IFT172: variants seen among roughly 807,000 people sequenced by gnomAD.
IFT172 encodes intraflagellar transport 172.
Under a neutral mutation model 248.9 loss-of-function variants are expected in IFT172, and 164 were observed. The ratio of observed to expected loss-of-function variants is 0.66; its 90% CI spans 0.58 to 0.75. The LOEUF is 0.75. Ranked by LOEUF, IFT172 falls within the 30% of genes least tolerant of loss-of-function variation. The pLI, the probability that IFT172 is intolerant of heterozygous loss-of-function variation, is 0.00. For synonymous variants in IFT172, 729 were observed against 791.6 expected (o/e 0.92, Z 1.33); for missense variants, 1,950 against 2,192.4 (o/e 0.89, Z 2.21).
rs752473707 is a variant in IFT172 at position 27,445,246 on chromosome 2, C to T, written c.5068+50G>A. The T allele has an allele frequency of 6.3e-7, 1 of 1,589,704 alleles. No individual in the cohort carries two copies. Among genetic ancestry groups the T allele is most frequent in the Non-Finnish European group, 8.6e-7 (1 of 1,166,302 alleles). On this transcript the variant is annotated intron_variant, in intron 46 of 47. Transcript: ENST00000260570. The surrounding 1 kb of genome is among the most constrained non-coding windows in gnomAD (Gnocchi z 4.4). ...CCTAGTAAAATTAAGTTTATTGATC[C>T]TGCTGCTTTCTACCCACCACAGGAT...
At chr2:27,484,545 C>T (rs1219083818) in intron 3 of IFT172, among the ~76,000 whole-genome samples, 3 of 152,064 alleles carry the variant, frequency 2.0e-5, no homozygotes, top group African/African-American at 4.8e-5. Flanking sequence ...GAGCCACAAT[C>T]GCGCCACTGC....
At position 27,449,560 on chromosome 2, in the gene IFT172, T is replaced by C. The variant is rs376777306; in HGVS notation, c.4163A>G (p.Tyr1388Cys). ...ATAATGCTGGTCCACATAGTCTTCATACCTGTGAAGATGTTCAGAGAGCTC... is the reference window on the plus strand; with the variant it reads ...ATAATGCTGGTCCACATAGTCTTCACACCTGTGAAGATGTTCAGAGAGCTC... ...KRVAKELDPR[Y>C]EDYVDQHYKE... The change falls in exon 38 of 48, where the codon TAT becomes TGT. Residue 1388 changes from tyrosine to cysteine, a missense_variant and splice_region_variant. Physicochemically the swap from Tyr to Cys is radical, Grantham distance 194 (BLOSUM62 -2). This residue lies in a region of IFT172 where 620 missense variants were observed against 699.0 expected (regional missense o/e 0.89). Coordinates refer to ENST00000260570, the MANE Select transcript of IFT172 (RefSeq NM_015662.3). The C allele has an allele frequency of 7.4e-6, 12 of 1,614,088 alleles. No individual in the cohort carries two copies. The African/African-American group carries it at 1.6e-4, about 22-fold the overall frequency.
chr2:27,448,058 C>T, intron 40 of IFT172, 136 bp from the exon 41 acceptor site: 1 of 437,012 alleles, frequency 2.3e-6, no homozygotes, highest in Non-Finnish European at 4.1e-6. Context: ...GGCTGGGGGA[C>T]AGTGGCAGAT....
rs1395485319 is a variant in IFT172, at chr2:27,449,672, G to A, written c.4160+19C>T. 2.5e-6 allele frequency: 4 copies of A among 1,609,210 alleles called. No individual in the cohort carries two copies. Among genetic ancestry groups the A allele is most frequent in the Non-Finnish European group, 8.5e-7 (1 of 1,176,018 alleles). On this transcript the variant is annotated intron_variant, in intron 37 of 47. Coordinates refer to ENST00000260570, the MANE Select transcript of IFT172 (RefSeq NM_015662.3). ...GAAGTAAAAGAGAATTTCGCAGTAAGAAGGGGTTACAAGCTTACCTGGGAT... is the reference window on the plus strand; with the variant it reads ...GAAGTAAAAGAGAATTTCGCAGTAAAAAGGGGTTACAAGCTTACCTGGGAT...
Position 27,453,438 on chromosome 2 carries a change from G to A in IFT172, c.3897C>T (p.Tyr1299=). 1 of 1,614,200 alleles carries A rather than the reference G, an allele frequency of 6.2e-7. No individual in the cohort carries two copies. The highest frequency in any genetic ancestry group is 1.1e-5 in the South Asian group (1 of 91,082). ...AGEYSRAVDC[Y]LKVRDSGNSG... ...TGTTTCCAGAGTCTCGCACTTTGAG[G>A]TAGCAGTCCACGGCACGGCTGTACT... Residue 1299 remains tyrosine, a synonymous_variant, in exon 35 of 48, where the codon TAC becomes TAT. Coordinates refer to ENST00000260570, the MANE Select transcript of IFT172 (RefSeq NM_015662.3).
chr2:27,478,822 C>T (rs568650489), intron 10 of IFT172, among the ~76,000 whole-genome samples: 3 of 151,994 alleles, frequency 2.0e-5, no homozygotes, highest in South Asian at 4.2e-4. Flanking sequence ...AAAAGTGGGC[C>T]CAGGAACTGA....
rs751766272 is a variant in IFT172, at chr2:27,445,014, C to T, written c.5160G>A (p.Lys1720=). 6.2e-7 allele frequency: 1 copy of T among 1,613,944 alleles called. No individual in the cohort carries two copies. The highest frequency in any genetic ancestry group is 8.5e-7 in the Non-Finnish European group (1 of 1,179,978). Residue 1720 remains lysine, a splice_region_variant and synonymous_variant, in exon 47 of 48, where the codon AAG becomes AAA. Transcript: ENST00000260570. The surrounding 1 kb of genome is among the most constrained non-coding windows in gnomAD (Gnocchi z 4.4). Reference sequence around the variant, plus strand: ...CATTCTCCAAGTCCTCCTCTCTAACCTTGATGGCCATAAGGAATTTATTCC... The same window carrying T: ...CATTCTCCAAGTCCTCCTCTCTAACTTTGATGGCCATAAGGAATTTATTCC... The part of the protein sequence containing the change: ...DNWNKFLMAI[K]TSHSPVCQDV...
intron 47 of IFT172, 54 bp downstream of exon 47, chr2:27,444,960 T>C (rs1291696917): frequency 6.3e-7 from 1 of 1,580,514 alleles, no homozygotes; most frequent in Non-Finnish European, 8.6e-7. Context: ...TGTTTTTTTT[T>C]CTTTTTTTAG....
intron 23 of IFT172, among the ~76,000 whole-genome samples, chr2:27,460,056 T>C (rs572537200): frequency 1.1e-4 from 16 of 151,974 alleles, no homozygotes; most frequent in African/African-American, 3.6e-4. Flanking sequence ...TCCATTTTGT[T>C]ATGTACTAAG....
chr2:27,472,317 C>A lies in IFT172; in HGVS notation c.1457G>T (p.Ser486Ile), dbSNP rs2148531581. ...GYNIGTVSHE[S>I]RVDWLELNET... ...ATTAAGTTCCAGCCAATCCACACGG[C>A]TCTCATGGCTGACGGTGCCAATGTT... The change falls in exon 15 of 48, where the codon AGC becomes ATC. Residue 486 changes from serine (S) to isoleucine (I), a missense_variant. Physicochemically the swap from Ser to Ile is moderately radical, Grantham distance 142 (BLOSUM62 -2). Around this residue, in one of 3 missense-constraint regions of IFT172, gnomAD observed 1,166 missense variants for 1,254.1 expected, o/e 0.93. Coordinates refer to ENST00000260570, the MANE Select transcript of IFT172 (RefSeq NM_015662.3). The A allele has an allele frequency of 6.2e-7, 1 of 1,614,156 alleles. No homozygotes were observed. Among genetic ancestry groups the A allele is most frequent in the African/African-American group, 1.3e-5 (1 of 75,038 alleles).
In IFT172 at chr2:27,476,602, T is replaced by C. The variant is rs543956138; in HGVS notation, c.1411+39A>G. ...GTGGTATGGAAGTGTGATATAAACA[T>C]CTATTTTGTTATTAAAATTATGAGA... On this transcript the variant is annotated intron_variant, in intron 14 of 47. Coordinates refer to ENST00000260570, the MANE Select transcript of IFT172 (RefSeq NM_015662.3). 10 of 1,238,716 alleles carry C rather than the reference T, an allele frequency of 8.1e-6. No homozygotes were observed. The South Asian group carries it at 1.2e-4, about 15-fold the overall frequency. 76.7% of individuals were successfully genotyped at this position (1,238,716 alleles called of 1,614,324 possible).
At chr2:27,469,059 G>A (rs533831084) in intron 16 of IFT172, among the ~76,000 whole-genome samples, 6 of 152,076 alleles carry the variant, frequency 3.9e-5, no homozygotes, top group Non-Finnish European at 8.8e-5. Flanking sequence ...AACATGTTCA[G>A]ATAATGAAAA....
intron 8 of IFT172, 40 bp downstream of exon 8, chr2:27,481,006 G>A (rs932758178): frequency 6.6e-7 from 1 of 1,514,628 alleles, no homozygotes; most frequent in African/African-American, 1.4e-5. Context: ...AGTGTTCGCA[G>A]GGAAAGTAGG....
intron 7 of IFT172, among the ~76,000 whole-genome samples, chr2:27,482,296 CT>C (rs998022247): frequency 2.8e-4 from 40 of 143,814 alleles, no homozygotes; most frequent in Middle Eastern, 3.8e-3. Flanking sequence ...ACAAGTAATT[CT>C]TTTTTTTTTT....
Position 27,461,169 on chromosome 2 carries a change from C to T in IFT172, c.2443-76G>A, listed in dbSNP as rs1048941798. Reference sequence around the variant, plus strand: ...AGTATTAGCTCCGAAAACAAGGGAACACCAGCAGTCAGGAAGCGCTCTGCA... The same window carrying T: ...AGTATTAGCTCCGAAAACAAGGGAATACCAGCAGTCAGGAAGCGCTCTGCA... On this transcript the variant is annotated intron_variant, in intron 22 of 47. Transcript: ENST00000260570. The T allele has an allele frequency of 5.8e-5, 93 of 1,613,332 alleles. 2 individuals are homozygous for T. Among genetic ancestry groups the T allele is most frequent in the Admixed American group, 3.7e-4 (22 of 59,988 alleles).
At chr2:27,485,879 C>A (rs1421588886) in intron 1 of IFT172, among the ~76,000 whole-genome samples, 1 of 152,220 alleles carries the variant, frequency 6.6e-6, no homozygotes, top group Non-Finnish European at 1.5e-5. Context: ...TTGATCAAGG[C>A]ACTTGGCCAG....
rs886986273 is a variant in IFT172, at chr2:27,461,803, C to A, written c.2149G>T (p.Glu717Ter). Residue 717 changes from glutamate to a stop codon, truncating the protein, a stop_gained, in exon 21 of 48, where the codon GAG becomes TAG. Transcript: ENST00000260570. LOFTEE classifies it high-confidence loss of function. ...AVEEAMGMYQ[E>*]LHRWDECIAV... is the part of the protein sequence containing the mutation. ...ATACACTCATCCCAACGGTGTAGCT[C>A]CTGGTACATGCCCATGGCCTCCTCC... 2 of 1,614,064 alleles carry A rather than the reference C, an allele frequency of 1.2e-6. No homozygotes were observed.
chr2:27,446,469 T>C lies in IFT172; in HGVS notation c.4660-114A>G, dbSNP rs536833971. The C allele has an allele frequency of 1.4e-5, 12 of 872,612 alleles. No homozygotes were observed. The African/African-American group carries it at 1.7e-4, about 12-fold the overall frequency. The allele number at this position is 872,612 out of a possible 1,614,324, so 54.1% of individuals were successfully genotyped here. On this transcript the variant is annotated intron_variant, in intron 42 of 47. Coordinates refer to ENST00000260570, the MANE Select transcript of IFT172 (RefSeq NM_015662.3). ...AAAACAACAATTATTATTAAACTGC[T>C]CTGGATTCTCAAGCTGTTCTGGGTC...
intron 30 of IFT172, chr2:27,455,051 CA>C: frequency 3.5e-6 from 1 of 289,846 alleles, no homozygotes; most frequent in Non-Finnish European, 6.6e-6. Flanking sequence ...AGAGTCTCTC[CA>C]AAAAATGAGC....
Sources: allele counts gnomAD v4.1 joint callset (sites outside exome capture counted in the v4.1 genomes callset), GRCh38; gene constraint gnomAD v4.1.1; regional missense constraint gnomAD v4.1.1; non-coding constraint Gnocchi (gnomAD v3.1); transcripts MANE v1.5; gene names NCBI Gene and HGNC (gene_info 2026-07-23, HGNC 2026-07-21).